PDCL2: variants seen among roughly 807,000 people sequenced by gnomAD.
PDCL2 encodes phosducin like 2.
A neutral mutation model predicts 30.3 loss-of-function variants in PDCL2; 23 were observed. That is an observed-to-expected ratio of 0.76 (90% CI 0.55 to 1.08). The LOEUF is 1.08. Among genes scored for constraint, PDCL2 ranks in the 50% least tolerant of loss-of-function variants. The pLI, the probability that PDCL2 is intolerant of heterozygous loss-of-function variation, is 0.00. For missense variants in PDCL2, 243 were observed against 282.3 expected (o/e 0.86, Z 1.00); for synonymous variants, 68 against 86.2 (o/e 0.79, Z 1.17).
At chr4:55,584,508 C>T (rs1167668285) in intron 1 of PDCL2, among the ~76,000 whole-genome samples, 1 of 152,136 alleles carries the variant, frequency 6.6e-6, no homozygotes, top group African/African-American at 2.4e-5. Context: ...TCACCCATCT[C>T]GGCCTCTCAA....
chr4:55,578,090 G>A (rs1732617633), intron 3 of PDCL2, among the ~76,000 whole-genome samples: 1 of 152,116 alleles, frequency 6.6e-6, no homozygotes, highest in African/African-American at 2.4e-5. Context: ...ATCTTCCCCG[G>A]AGTAAATGCA....
intron 5 of PDCL2, among the ~76,000 whole-genome samples, chr4:55,559,886 T>C (rs1314773707): frequency 6.6e-6 from 1 of 152,170 alleles, no homozygotes. Context: ...AAAGGACAAA[T>C]ACTATATGAT....
chr4:55,567,480 T>C (rs1272330584), intron 4 of PDCL2, among the ~76,000 whole-genome samples: 2 of 152,190 alleles, frequency 1.3e-5, no homozygotes, highest in African/African-American at 2.4e-5. Context: ...CAAAGCTGCA[T>C]TGAGCTACAA....
At chr4:55,592,016 C>T (rs1733015631) in intron 1 of PDCL2, 88 bp downstream of exon 1, 18 of 1,532,746 alleles carry the variant, frequency 1.2e-5, no homozygotes, top group Non-Finnish European at 1.5e-5. Flanking sequence ...CTCCTGTGTC[C>T]GCCCTCCCCA....
At chr4:55,584,839 A>G (rs1732818299) in intron 1 of PDCL2, among the ~76,000 whole-genome samples, 1 of 152,214 alleles carries the variant, frequency 6.6e-6, no homozygotes, top group South Asian at 2.1e-4. Context: ...TTTACCATTG[A>G]ATATCATCTG....
chr4:55,575,813 G>A (rs1039809923), intron 3 of PDCL2, among the ~76,000 whole-genome samples: 8 of 152,090 alleles, frequency 5.3e-5, no homozygotes, highest in East Asian at 1.9e-4. Flanking sequence ...GCAAGAATTC[G>A]ATATTTGGCA....
chr4:55,585,943 A>T (rs1313266836), intron 1 of PDCL2, among the ~76,000 whole-genome samples: 1 of 152,126 alleles, frequency 6.6e-6, no homozygotes, highest in Non-Finnish European at 1.5e-5. Context: ...TAGTATAGCT[A>T]AGGTTTTGTT....
chr4:55,584,181 T>C (rs916758119), intron 1 of PDCL2, among the ~76,000 whole-genome samples: 4 of 152,212 alleles, frequency 2.6e-5, no homozygotes, highest in African/African-American at 9.6e-5. Context: ...ATGGGATTAT[T>C]TTCTTGATTT....
At chr4:55,566,833 A>G (rs1007238514) in intron 4 of PDCL2, among the ~76,000 whole-genome samples, 2 of 152,208 alleles carry the variant, frequency 1.3e-5, no homozygotes, top group Non-Finnish European at 2.9e-5. Flanking sequence ...ATGAAACCAC[A>G]TCCTTCTTTT....
intron 1 of PDCL2, among the ~76,000 whole-genome samples, chr4:55,584,587 G>A (rs1732813435): frequency 6.6e-6 from 1 of 151,896 alleles, no homozygotes; most frequent in Non-Finnish European, 1.5e-5. Flanking sequence ...TATTGTTTTG[G>A]AATCCTGCAA....
At chr4:55,590,196 C>CAAAAAAAAA (rs1221085369) in intron 1 of PDCL2, among the ~76,000 whole-genome samples, 3 of 37,092 alleles carry the variant, frequency 8.1e-5, no homozygotes, top group Non-Finnish European at 1.3e-4. Flanking sequence ...GGCTCTGTCT[C>CAAAAAAAAA]AAAAAAAAAA....
intron 3 of PDCL2, among the ~76,000 whole-genome samples, chr4:55,573,740 G>A (rs1302611143): frequency 3.3e-5 from 5 of 151,762 alleles, no homozygotes; most frequent in Admixed American, 1.3e-4. Context: ...AACAGAGCAA[G>A]ACTCTGTCCT....
chr4:55,577,162 T>C (rs1577913884), intron 3 of PDCL2, among the ~76,000 whole-genome samples: 1 of 152,370 alleles, frequency 6.6e-6, no homozygotes, highest in South Asian at 2.1e-4. Flanking sequence ...CCCAAAGTGC[T>C]GGGATTACAG....
chr4:55,560,269 T>C (rs900856314), intron 5 of PDCL2, among the ~76,000 whole-genome samples: 2 of 151,950 alleles, frequency 1.3e-5, no homozygotes, highest in Non-Finnish European at 2.9e-5. Flanking sequence ...GGACTAAGTA[T>C]GGAAATACAG....
intron 1 of PDCL2, among the ~76,000 whole-genome samples, chr4:55,588,627 C>T (rs1368517175): frequency 6.6e-6 from 1 of 152,192 alleles, no homozygotes; most frequent in Non-Finnish European, 1.5e-5. Context: ...TCTAAGTCAA[C>T]TGAAACCTGT....
chr4:55,566,516 G>C (rs181166589), intron 4 of PDCL2, among the ~76,000 whole-genome samples: 3 of 142,890 alleles, frequency 2.1e-5, no homozygotes, highest in Non-Finnish European at 3.0e-5. Context: ...TCCGCCTCCC[G>C]GGTTCAAGCC....
rs187575478 is a variant in PDCL2 at position 55,592,171 on chromosome 4, G to A, written c.-62C>T. Reference sequence around the variant, plus strand: ...CTGCAGCTGGCGAGGCGCCACGGATGGAGACCCGCAGCCTTCTCCAGGCTG... The same window carrying A: ...CTGCAGCTGGCGAGGCGCCACGGATAGAGACCCGCAGCCTTCTCCAGGCTG... On this transcript the variant is annotated 5_prime_UTR_variant, in exon 1 of 6. Coordinates refer to ENST00000295645, the MANE Select transcript of PDCL2 (RefSeq NM_152401.3). 1.5e-4 allele frequency: 237 copies of A among 1,592,660 alleles called. 1 individual carries two copies. The African/African-American group carries it at 2.7e-3, about 18-fold the overall frequency.
At chr4:55,587,185 CTG>C (rs944002746) in intron 1 of PDCL2, among the ~76,000 whole-genome samples, 8 of 120,738 alleles carry the variant, frequency 6.6e-5, no homozygotes, top group African/African-American at 2.6e-4. Context: ...GAGAGGAACA[CTG>C]TGTCCTCACG....
At chr4:55,564,336 G>A (rs1234692374) in intron 4 of PDCL2, among the ~76,000 whole-genome samples, 1 of 152,190 alleles carries the variant, frequency 6.6e-6, no homozygotes, top group African/African-American at 2.4e-5. Context: ...GATGCAGGGA[G>A]AAAGGGTTGC....
Sources: gnomAD v4.1 joint callset for allele counts (sites outside exome capture counted in the v4.1 genomes callset) on GRCh38, gnomAD v4.1.1 for gene constraint, MANE v1.5 for transcripts, NCBI Gene and HGNC (gene_info 2026-07-23, HGNC 2026-07-21) for gene names.